Variants in IFTAP observed in about 807,000 individuals in gnomAD.
IFTAP encodes intraflagellar transport-associated protein.
A neutral mutation model predicts 19.4 loss-of-function variants in IFTAP; 19 were observed. That is an observed-to-expected ratio of 0.98 (90% CI 0.68 to 1.44). IFTAP has a LOEUF of 1.44. IFTAP is among the 40% of genes most tolerant of loss of function. IFTAP has a pLI of 0.00. For missense variants in IFTAP, 240 were observed against 253.6 expected (o/e 0.95, Z 0.36); for synonymous variants, 85 against 83.5 (o/e 1.02, Z -0.10).
intron 2 of IFTAP, among the ~76,000 whole-genome samples, chr11:36,630,563 A>G (rs1457497109): frequency 6.6e-6 from 1 of 151,412 alleles, no homozygotes; most frequent in Non-Finnish European, 1.5e-5. Flanking sequence ...CTTTATTTCA[A>G]AGGAGTTTCA....
At chr11:36,646,092 T>C (rs916113759) in intron 4 of IFTAP, among the ~76,000 whole-genome samples, 1 of 152,200 alleles carries the variant, frequency 6.6e-6, no homozygotes, top group Non-Finnish European at 1.5e-5. Flanking sequence ...AGAATTATTA[T>C]GAAAGAAACC....
chr11:36,631,913 A>T (rs536451342), intron 2 of IFTAP, among the ~76,000 whole-genome samples: 1 of 151,284 alleles, frequency 6.6e-6, no homozygotes, highest in African/African-American at 2.5e-5. Flanking sequence ...ATTGTAAGCC[A>T]TTCTTCTTTG....
intron 3 of IFTAP, 29 bp downstream of exon 3, chr11:36,633,467 A>G: frequency 7.0e-7 from 1 of 1,437,058 alleles, no homozygotes; most frequent in East Asian, 2.5e-5. Context: ...ATGTATAGAA[A>G]CAATCTCAGA....
chr11:36,616,779 A>G (rs2133396968), intron 2 of IFTAP, among the ~76,000 whole-genome samples: 1 of 152,098 alleles, frequency 6.6e-6, no homozygotes, highest in Admixed American at 6.6e-5. Context: ...AGCTACTAGC[A>G]ACATGTAGCT....
intron 2 of IFTAP, among the ~76,000 whole-genome samples, chr11:36,614,064 C>T (rs1358139683): frequency 6.6e-6 from 1 of 151,714 alleles, no homozygotes; most frequent in Non-Finnish European, 1.5e-5. Context: ...GCTATCCCTC[C>T]ACCCTCCCCC....
chr11:36,605,029 T>A (rs1162523855), intron 1 of IFTAP, among the ~76,000 whole-genome samples: 3 of 151,590 alleles, frequency 2.0e-5, no homozygotes, highest in African/African-American at 4.9e-5. Context: ...ATCTCTGCAG[T>A]TAGAGTGCAG....
Position 36,646,611 on chromosome 11 carries a change from A to G in IFTAP, c.359-1405A>G, listed in dbSNP as rs1260905276. Among the ~76,000 whole-genome samples the G allele has an allele frequency of 2.6e-5, 4 of 152,122 alleles. No individual in the cohort carries two copies. In the East Asian group the frequency reaches 7.7e-4, roughly 29 times the overall value. Reference sequence around the variant, plus strand: ...TTAATTTGATCCAGTAAAATAAAATATGTAACAAAAATGCTTATTTAAAGA... The same window carrying G: ...TTAATTTGATCCAGTAAAATAAAATGTGTAACAAAAATGCTTATTTAAAGA... On this transcript the variant is annotated intron_variant, in intron 4 of 5. Coordinates refer to ENST00000334307, the MANE Select transcript of IFTAP (RefSeq NM_138787.4).
chr11:36,610,046 T>G, intron 1 of IFTAP, 35 bp from the exon 2 acceptor site: 1 of 1,580,466 alleles, frequency 6.3e-7, no homozygotes, highest in Non-Finnish European at 8.6e-7. Flanking sequence ...TGGTATTGCC[T>G]GATTCTCTCT....
intron 4 of IFTAP, among the ~76,000 whole-genome samples, chr11:36,644,001 A>C (rs1362339438): frequency 6.6e-6 from 1 of 152,370 alleles, no homozygotes; most frequent in Admixed American, 6.5e-5. Flanking sequence ...GACAAGTGGA[A>C]TCTAATTAAA....
chr11:36,596,211 G>GTTTTTT (rs1243664769), intron 1 of IFTAP, among the ~76,000 whole-genome samples: 37 of 101,132 alleles, frequency 3.7e-4, no homozygotes, highest in African/African-American at 1.0e-3. Flanking sequence ...AGATGGTAGT[G>GTTTTTT]TTTTTTTTTT....
intron 2 of IFTAP, among the ~76,000 whole-genome samples, chr11:36,631,843 G>T (rs1852740581): frequency 2.0e-5 from 3 of 150,986 alleles, no homozygotes; most frequent in Admixed American, 2.0e-4. Context: ...ACTTGCTGTT[G>T]TCAGAAGAAG....
rs1221668674 is a variant in IFTAP, at chr11:36,614,675, G to A, written c.136+4436G>A. 5.4e-3 allele frequency among the ~76,000 whole-genome samples: 731 copies of A among 134,198 alleles called. 2 individuals are homozygous for A. The highest frequency in any genetic ancestry group is 9.1e-3 in the African/African-American group (308 of 33,716). 88.0% of individuals were successfully genotyped at this position (134,198 alleles called of 152,430 possible). ...TACATTTCTCTGATGGCCAGTGATG[G>A]TGAGCATTTTTTCATGTGTTTTTTG... On this transcript the variant is annotated intron_variant, in intron 2 of 5. Transcript: ENST00000334307.
chr11:36,616,729 A>G (rs1852107144), intron 2 of IFTAP, among the ~76,000 whole-genome samples: 1 of 152,114 alleles, frequency 6.6e-6, no homozygotes, highest in Middle Eastern at 3.4e-3. Flanking sequence ...TAGTAACCGT[A>G]TGATTTGTGA....
At chr11:36,618,399 A>G (rs1212093584) in intron 2 of IFTAP, among the ~76,000 whole-genome samples, 1 of 151,958 alleles carries the variant, frequency 6.6e-6, no homozygotes, top group African/African-American at 2.4e-5. Flanking sequence ...TGGTGTGTAG[A>G]TAATATATGC....
At chr11:36,625,920 G>C (rs1006397722) in intron 2 of IFTAP, among the ~76,000 whole-genome samples, 1 of 145,380 alleles carries the variant, frequency 6.9e-6, no homozygotes, top group Middle Eastern at 3.4e-3. Flanking sequence ...GCAAAGGCCA[G>C]GTCATAGCAG....
intron 5 of IFTAP, among the ~76,000 whole-genome samples, chr11:36,651,189 C>T (rs1853708697): frequency 6.6e-6 from 1 of 152,146 alleles, no homozygotes; most frequent in African/African-American, 2.4e-5. Context: ...AAAAGTGTTC[C>T]TGTTTCTCCA....
rs893156759 is a variant in IFTAP at position 36,594,558 on chromosome 11, C to G, written c.-58C>G. 8.3e-6 allele frequency: 2 copies of G among 241,248 alleles called. No homozygotes were observed. Among genetic ancestry groups the G allele is most frequent in the Non-Finnish European group, 1.6e-5 (2 of 122,756 alleles). The allele number at this position is 241,248 out of a possible 1,614,324, so 14.9% of individuals were successfully genotyped here. The stretch of plus-strand genomic sequence containing the variant: ...CTTTGTTGCTCTGGGAGAGGGGACT[C>G]CTGGAATGTGTCTGTGAATAAAGAC... On this transcript the variant is annotated 5_prime_UTR_variant, in exon 1 of 6. Transcript: ENST00000334307.
intron 5 of IFTAP, among the ~76,000 whole-genome samples, chr11:36,656,072 G>A (rs1274821417): frequency 6.6e-6 from 1 of 152,162 alleles, no homozygotes; most frequent in Admixed American, 6.6e-5. Flanking sequence ...GGTAGTTTGA[G>A]ACCTCAGGGA....
intron 2 of IFTAP, among the ~76,000 whole-genome samples, chr11:36,620,025 T>A (rs1430150945): frequency 6.6e-6 from 1 of 152,018 alleles, no homozygotes; most frequent in Non-Finnish European, 1.5e-5. Flanking sequence ...GACTTGCTAA[T>A]AAAAGTAACT....
Sources: allele counts gnomAD v4.1 joint callset (sites outside exome capture counted in the v4.1 genomes callset), GRCh38; gene constraint gnomAD v4.1.1; transcripts MANE v1.5; gene names NCBI Gene and HGNC (gene_info 2026-07-23, HGNC 2026-07-21).